Variants in RUNX2 observed in about 807,000 individuals in gnomAD.
The protein encoded by RUNX2 is runt-related transcription factor 2.
Under a neutral mutation model 51.7 loss-of-function variants are expected in RUNX2, and 10 were observed. The ratio of observed to expected loss-of-function variants is 0.19; its 90% CI spans 0.12 to 0.33. RUNX2 has a LOEUF of 0.33. Ranked by LOEUF, RUNX2 falls within the 10% of genes least tolerant of loss-of-function variation. RUNX2 has a pLI of 1.00. For missense variants in RUNX2, 562 were observed against 691.3 expected, an observed-to-expected ratio of 0.81 and a Z score of 2.10; for synonymous variants, 276 against 273.6, an observed-to-expected ratio of 1.01 and a Z score of -0.09.
At chr6:45,406,970 G>A (rs1460082285) in intron 2 of RUNX2, among the ~76,000 whole-genome samples, 1 of 152,044 alleles carries the variant, frequency 6.6e-6, no homozygotes, top group Non-Finnish European at 1.5e-5. Context: ...ATAAAAAATA[G>A]CAATACAATG....
At chr6:45,508,617 C>G (rs978172716) in intron 6 of RUNX2, among the ~76,000 whole-genome samples, 2 of 152,122 alleles carry the variant, frequency 1.3e-5, no homozygotes, top group African/African-American at 4.8e-5. Context: ...TTGACTCTAG[C>G]CTATCCTCTG....
chr6:45,377,066 A>C (rs1351129675), intron 2 of RUNX2, among the ~76,000 whole-genome samples: 1 of 151,890 alleles, frequency 6.6e-6, no homozygotes, highest in African/African-American at 2.4e-5. Flanking sequence ...CTCACGTGTG[A>C]GACCAAGTGT....
chr6:45,535,127 A>G (rs1055075327), intron 7 of RUNX2, among the ~76,000 whole-genome samples: 1 of 152,170 alleles, frequency 6.6e-6, no homozygotes, highest in African/African-American at 2.4e-5. Flanking sequence ...GGATCAGGAT[A>G]AATAACTAAT....
chr6:45,356,815 A>G (rs1353888283), intron 2 of RUNX2, among the ~76,000 whole-genome samples: 1 of 152,224 alleles, frequency 6.6e-6, no homozygotes, highest in Non-Finnish European at 1.5e-5. Context: ...CAGAACCAGC[A>G]AAAAGTCAAA....
chr6:45,517,634 T>C (rs1416935503), intron 7 of RUNX2, among the ~76,000 whole-genome samples: 2 of 152,156 alleles, frequency 1.3e-5, no homozygotes, highest in Non-Finnish European at 2.9e-5. Context: ...TATGTAAATA[T>C]TAACACTTTT....
chr6:45,548,270 G>A lies in RUNX2; in HGVS notation c.*965G>A, dbSNP rs967152735. 7 of 152,402 alleles carry A rather than the reference G, an allele frequency of 4.6e-5. No individual in the cohort carries two copies. The highest frequency in any genetic ancestry group is 2.1e-4 in the South Asian group (1 of 4,826). 9.4% of individuals were successfully genotyped at this position (152,402 alleles called of 1,614,324 possible). The stretch of plus-strand genomic sequence containing the variant: ...CTTAGTGTATTGATATGTTGACTTC[G>A]GTCTCTAAAAGTGCTCTTTATTAAA... On this transcript the variant is annotated 3_prime_UTR_variant, in exon 9 of 9. Transcript: ENST00000647337.
At chr6:45,357,423 T>C (rs920611492) in intron 2 of RUNX2, among the ~76,000 whole-genome samples, 1 of 151,268 alleles carries the variant, frequency 6.6e-6, no homozygotes, top group Non-Finnish European at 1.5e-5. Context: ...CGTAACCTCC[T>C]AGGTGCAAGT....
intron 5 of RUNX2, among the ~76,000 whole-genome samples, chr6:45,478,278 A>T (rs1433644649): frequency 1.3e-5 from 2 of 152,242 alleles, no homozygotes; most frequent in African/African-American, 4.8e-5. Context: ...TTCATGAAAC[A>T]TAATAATGCT....
intron 5 of RUNX2, among the ~76,000 whole-genome samples, chr6:45,489,716 G>A (rs189184585): frequency 6.6e-6 from 1 of 152,340 alleles, no homozygotes; most frequent in South Asian, 2.1e-4. Flanking sequence ...GTCTGTGTGT[G>A]AGTGTGAGGA....
chr6:45,528,982 A>C (rs1228200277), intron 7 of RUNX2, among the ~76,000 whole-genome samples: 2 of 152,224 alleles, frequency 1.3e-5, no homozygotes, highest in African/African-American at 4.8e-5. Flanking sequence ...AGCTTATAGG[A>C]GAAAGCTTTA....
chr6:45,445,926 T>A (rs991189728), intron 5 of RUNX2, among the ~76,000 whole-genome samples: 1 of 152,150 alleles, frequency 6.6e-6, no homozygotes, highest in East Asian at 1.9e-4. Context: ...CAGTCCTTTT[T>A]TTTTGTTGAC....
At chr6:45,512,217 C>T (rs1356359520) in intron 6 of RUNX2, 29 bp from the exon 7 acceptor site, 5 of 1,610,310 alleles carry the variant, frequency 3.1e-6, no homozygotes, top group Non-Finnish European at 3.4e-6. Context: ...GGTTGCTATA[C>T]TAAAGATTTT....
intron 5 of RUNX2, among the ~76,000 whole-genome samples, chr6:45,468,625 C>T (rs1799710190): frequency 6.6e-6 from 1 of 152,104 alleles, no homozygotes; most frequent in Non-Finnish European, 1.5e-5. Context: ...TGTGTTAAAA[C>T]TTTAGGGAAA....
chr6:45,393,808 TC>T lies in RUNX2; in HGVS notation c.59-28782del, dbSNP rs553365580. Among the ~76,000 whole-genome samples the T allele has an allele frequency of 7.2e-5, 11 of 152,138 alleles. 1 individual carries two copies. The East Asian group carries it at 2.1e-3, about 30-fold the overall frequency. ...CTATATAAGAAGTGTAGTGCCAGCA[TC>T]CCTTTCTGGTGAGGGCCTCAGGAAG... is the stretch of plus-strand genomic sequence containing the variant. On this transcript the variant is annotated intron_variant, in intron 2 of 8. Transcript: ENST00000647337.
intron 2 of RUNX2, among the ~76,000 whole-genome samples, chr6:45,392,565 G>GTA (rs1250049656): frequency 1.3e-5 from 2 of 152,098 alleles, no homozygotes; most frequent in African/African-American, 4.8e-5. Context: ...TAATTAGGCT[G>GTA]TATAATCCGC....
chr6:45,464,157 C>T (rs997137785), intron 5 of RUNX2, among the ~76,000 whole-genome samples: 1 of 151,506 alleles, frequency 6.6e-6, no homozygotes, highest in Non-Finnish European at 1.5e-5. Flanking sequence ...CACGCCCCTG[C>T]ATTCCAGCCT....
rs369440510 is a variant in RUNX2 at position 45,328,453 on chromosome 6, C to G, written c.-74C>G. On this transcript the variant is annotated 5_prime_UTR_variant, in exon 1 of 9. Transcript: ENST00000647337. ...GGTCACTACCAGCCACCGAGACCAA[C>G]AGAGTCAGTGAGTGCTCTCTAACCA... The G allele has an allele frequency of 1.2e-5, 18 of 1,466,512 alleles. No individual in the cohort carries two copies. The highest frequency in any genetic ancestry group is 1.6e-5 in the Non-Finnish European group (17 of 1,087,018). 90.8% of individuals were successfully genotyped at this position (1,466,512 alleles called of 1,614,324 possible). A position where few individuals can be genotyped will look rare whatever the true frequency, so the allele number is the denominator to read the frequency against.
At chr6:45,428,500 G>A (rs989438289) in intron 3 of RUNX2, among the ~76,000 whole-genome samples, 3 of 152,130 alleles carry the variant, frequency 2.0e-5, no homozygotes, top group African/African-American at 7.2e-5. Flanking sequence ...CTAGAGTTCA[G>A]CTTTAACAGG....
chr6:45,367,459 A>T (rs1025784982), intron 2 of RUNX2, among the ~76,000 whole-genome samples: 2 of 148,158 alleles, frequency 1.3e-5, no homozygotes, highest in Non-Finnish European at 3.0e-5. Context: ...GACTCGGATT[A>T]AAAAAAAAAA....
Sources: allele counts gnomAD v4.1 joint callset (sites outside exome capture counted in the v4.1 genomes callset), GRCh38; gene constraint gnomAD v4.1.1; transcripts MANE v1.5; gene names NCBI Gene and HGNC (gene_info 2026-07-23, HGNC 2026-07-21).